DIP2B: variants seen among roughly 807,000 people sequenced by gnomAD.
DIP2B encodes the protein disco-interacting protein 2 homolog B.
A neutral mutation model predicts 198.0 loss-of-function variants in DIP2B; 76 were observed. That is an observed-to-expected ratio of 0.38 (90% CI 0.32 to 0.46). DIP2B has a LOEUF of 0.46. Ranked by LOEUF, DIP2B falls within the 20% of genes least tolerant of loss-of-function variation. DIP2B has a pLI of 0.99. For missense variants in DIP2B, 1,559 were observed against 1,978.4 expected (o/e 0.79, Z 4.02); for synonymous variants, 701 against 739.1 (o/e 0.95, Z 0.84).
intron 1 of DIP2B, among the ~76,000 whole-genome samples, chr12:50,524,678 AG>A (rs1471771804): frequency 1.3e-5 from 2 of 152,126 alleles, no homozygotes; most frequent in Non-Finnish European, 2.9e-5. Flanking sequence ...CCCTCCCCTT[AG>A]GGGGCTTACA....
chr12:50,718,592 T>C lies in DIP2B; in HGVS notation c.2852-117T>C, dbSNP rs1939776739. On this transcript the variant is annotated intron_variant, in intron 23 of 37. Transcript: ENST00000301180. ...CCTGGGTTCCCAGTGCCTAGAAGAGTGTTCAGGCAGTATTGTTGGATGAAT... is the reference window on the plus strand; with the variant it reads ...CCTGGGTTCCCAGTGCCTAGAAGAGCGTTCAGGCAGTATTGTTGGATGAAT... 2.5e-5 allele frequency: 21 copies of C among 856,646 alleles called. No individual in the cohort carries two copies. The South Asian group carries it at 3.2e-4, about 13-fold the overall frequency. 53.1% of individuals were successfully genotyped at this position (856,646 alleles called of 1,614,324 possible). A position where few individuals can be genotyped will look rare whatever the true frequency, so the allele number is the denominator to read the frequency against.
At chr12:50,535,805 G>A (rs1286260569) in intron 1 of DIP2B, among the ~76,000 whole-genome samples, 1 of 147,634 alleles carries the variant, frequency 6.8e-6, no homozygotes, top group African/African-American at 2.5e-5. Context: ...CCATTAACTC[G>A]TCACTTAGCA....
chr12:50,573,872 C>T (rs1958636047), intron 1 of DIP2B, among the ~76,000 whole-genome samples: 1 of 152,000 alleles, frequency 6.6e-6, no homozygotes, highest in Non-Finnish European at 1.5e-5. Context: ...TTAAAAGTGA[C>T]CAGAGATAAA....
chr12:50,703,064 G>T (rs1939450352), intron 19 of DIP2B, among the ~76,000 whole-genome samples: 1 of 151,678 alleles, frequency 6.6e-6, no homozygotes, highest in Non-Finnish European at 1.5e-5. Context: ...CTCTACAAAC[G>T]AATTAAAAAT....
intron 4 of DIP2B, among the ~76,000 whole-genome samples, chr12:50,665,469 G>T (rs557227051): frequency 5.9e-5 from 9 of 152,232 alleles, no homozygotes; most frequent in Non-Finnish European, 1.3e-4. Flanking sequence ...TTACTTTATA[G>T]CCGCGACTCA....
chr12:50,690,088 T>G (rs940177715), intron 12 of DIP2B, among the ~76,000 whole-genome samples: 1 of 136,826 alleles, frequency 7.3e-6, no homozygotes, highest in Non-Finnish European at 1.6e-5. Context: ...GAACACTTAA[T>G]TTTTTTTTTT....
At chr12:50,508,522 C>T (rs776261433) in intron 1 of DIP2B, among the ~76,000 whole-genome samples, 4 of 152,070 alleles carry the variant, frequency 2.6e-5, no homozygotes, top group South Asian at 2.1e-4. Context: ...TACCACCCAC[C>T]GCCCCTTTCT....
At chr12:50,680,259 TAAAAAAAAA>T (rs11394582) in intron 8 of DIP2B, 1 of 106,208 alleles carries the variant, frequency 9.4e-6, no homozygotes, top group Non-Finnish European at 1.8e-5. Flanking sequence ...GACTCTGTCT[TAAAAAAAAA>T]AAAAAAAAAA....
Position 50,524,740 on chromosome 12 carries a change from G to A in DIP2B, c.100+19500G>A, listed in dbSNP as rs539184398. 2.0e-5 allele frequency among the ~76,000 whole-genome samples: 3 copies of A among 152,222 alleles called. No individual in the cohort carries two copies. The South Asian group carries it at 6.2e-4, about 32-fold the overall frequency. The stretch of plus-strand genomic sequence containing the variant: ...AAGTAATATGTATTGCTTGTTAGAT[G>A]GTAAAAATTTATTGTTATTTTTTTT... On this transcript the variant is annotated intron_variant, in intron 1 of 37. Transcript: ENST00000301180.
intron 4 of DIP2B, among the ~76,000 whole-genome samples, chr12:50,665,624 A>T (rs914054100): frequency 1.3e-4 from 20 of 152,240 alleles, no homozygotes; most frequent in Admixed American, 1.1e-3. Context: ...AATAAAATAA[A>T]AATTTTAAAA....
intron 25 of DIP2B, among the ~76,000 whole-genome samples, chr12:50,720,480 G>A (rs1443020554): frequency 2.0e-5 from 3 of 150,990 alleles, no homozygotes; most frequent in East Asian, 1.9e-4. Flanking sequence ...AGAGGAATAT[G>A]TTGTGCATCT....
At chr12:50,683,362 C>A in intron 10 of DIP2B, 114 bp downstream of exon 10, 2 of 759,724 alleles carry the variant, frequency 2.6e-6, no homozygotes, top group East Asian at 2.8e-5. Context: ...TGGAAGTACT[C>A]AGCTTCACTT....
intron 20 of DIP2B, among the ~76,000 whole-genome samples, chr12:50,706,171 T>C (rs1478650600): frequency 6.6e-6 from 1 of 152,206 alleles, no homozygotes; most frequent in Admixed American, 6.5e-5. Flanking sequence ...AATGAATACA[T>C]TTTTCTTCCT....
rs1204238075 is a variant in DIP2B, at chr12:50,674,640, G to GT, written c.796+16dup. 2 of 1,613,766 alleles carry GT rather than the reference G, an allele frequency of 1.2e-6. No homozygotes were observed. The highest frequency in any genetic ancestry group is 1.7e-6 in the Non-Finnish European group (2 of 1,179,804). ...TGGATACAGCTGATGGTAAGGAGTT[G>GT]TTTTTGGTAGCTCAATTGTAGTGTA... On this transcript the variant is annotated intron_variant, in intron 6 of 37. Transcript: ENST00000301180.
rs574449969 is a variant in DIP2B, at chr12:50,523,345, GAA to G, written c.100+18114_100+18115del. Among the ~76,000 whole-genome samples, 846 of 149,470 alleles carry G rather than the reference GAA, an allele frequency of 5.7e-3. 3 individuals carry two copies. Among genetic ancestry groups the G allele is most frequent in the Non-Finnish European group, 7.8e-3 (527 of 67,210 alleles). Reference sequence around the variant, plus strand: ...TTTATAATTCAGAGAGTGATGACAGGAAAAAAAAAATCTGTACATGTTCAGTA... The same window carrying G: ...TTTATAATTCAGAGAGTGATGACAGGAAAAAAAATCTGTACATGTTCAGTA... On this transcript the variant is annotated intron_variant, in intron 1 of 37. Coordinates refer to ENST00000301180, the MANE Select transcript of DIP2B (RefSeq NM_173602.3).
chr12:50,544,905 C>T (rs995899651), intron 1 of DIP2B, among the ~76,000 whole-genome samples: 1 of 152,178 alleles, frequency 6.6e-6, no homozygotes, highest in Admixed American at 6.5e-5. Context: ...GCGTGAGCCA[C>T]CGCGCCTGGC....
At chr12:50,650,488 C>T (rs543362485) in intron 3 of DIP2B, among the ~76,000 whole-genome samples, 1 of 152,306 alleles carries the variant, frequency 6.6e-6, no homozygotes, top group East Asian at 1.9e-4. Flanking sequence ...CTCCTCTCAG[C>T]CTCCAGCAAC....
At chr12:50,581,715 A>G (rs1309363950) in intron 1 of DIP2B, among the ~76,000 whole-genome samples, 2 of 134,060 alleles carry the variant, frequency 1.5e-5, no homozygotes, top group African/African-American at 2.8e-5. Flanking sequence ...CGGGCAGCAC[A>G]AGGGATATCC....
Position 50,724,840 on chromosome 12 carries a change from A to G in DIP2B, c.3354A>G (p.Ala1118=). The change falls in exon 28 of 38, where the codon GCA becomes GCG. Residue 1118 remains alanine (A), a synonymous_variant. Coordinates refer to ENST00000301180, the MANE Select transcript of DIP2B (RefSeq NM_173602.3). ...TLMRLLRSRE[A]AAAVDVKTWP... Reference sequence around the variant, plus strand: ...TGAGGCTACTGAGGTCCCGAGAGGCAGCAGCAGCTGTGGATGTGAAAACCT... The same window carrying G: ...TGAGGCTACTGAGGTCCCGAGAGGCGGCAGCAGCTGTGGATGTGAAAACCT... The G allele has an allele frequency of 6.2e-7, 1 of 1,614,174 alleles. No individual in the cohort carries two copies. Among genetic ancestry groups the G allele is most frequent in the Admixed American group, 1.7e-5 (1 of 60,018 alleles).
Sources: gnomAD v4.1 joint callset for allele counts (sites outside exome capture counted in the v4.1 genomes callset) on GRCh38, gnomAD v4.1.1 for gene constraint, MANE v1.5 for transcripts, NCBI Gene and HGNC (gene_info 2026-07-23, HGNC 2026-07-21) for gene names.